The following TG variants were observed in gnomAD, a reference collection of about 807,000 sequenced individuals.
TG encodes the protein thyroid hormones.
TG carries 270 observed loss-of-function variants against 324.7 expected under a neutral mutation model. The ratio of observed to expected loss-of-function variants is 0.83; its 90% CI spans 0.75 to 0.92. TG has a LOEUF of 0.92. Among genes scored for constraint, TG ranks in the 40% least tolerant of loss-of-function variants. TG has a pLI of 0.00. For synonymous variants in TG, 1,401 were observed against 1,327.0 expected (o/e 1.06, Z -1.21); for missense variants, 3,591 against 3,456.4 (o/e 1.04, Z -0.98).
chr8:132,949,066 A>C (rs1459954746), intron 27 of TG, 123 bp downstream of exon 27: 4 of 931,638 alleles, frequency 4.3e-6, no homozygotes, highest in South Asian at 2.9e-5. Context: ...AAAAAAAAAA[A>C]AAACTTTACC....
In TG at chr8:132,941,368, A is replaced by C; in HGVS notation, c.5059A>C (p.Thr1687Pro). ...YLKKGQGSTT[T>P]LQKRFEPTGF... ...TCCCCCAGGCCAAGGATCCACCACA[A>C]CACTTCAGAAACGCTTTGAACCCAC... is the stretch of plus-strand genomic sequence containing the variant. Residue 1687 changes from threonine to proline, a missense_variant, in exon 26 of 48, where the codon ACA (threonine) becomes CCA (proline). Transcript: ENST00000220616. The C allele has an allele frequency of 1.9e-6, 3 of 1,614,172 alleles. No individual in the cohort carries two copies. Among genetic ancestry groups the C allele is most frequent in the Non-Finnish European group, 2.5e-6 (3 of 1,180,034 alleles).
chr8:132,927,147 G>A (rs1266061807), intron 22 of TG, among the ~76,000 whole-genome samples: 3 of 152,028 alleles, frequency 2.0e-5, no homozygotes, highest in Non-Finnish European at 4.4e-5. Flanking sequence ...GTGTGTGCAC[G>A]TTGTGTGTGC....
intron 43 of TG, among the ~76,000 whole-genome samples, chr8:133,110,143 C>T (rs1850142025): frequency 6.6e-6 from 1 of 152,206 alleles, no homozygotes; most frequent in African/African-American, 2.4e-5. Flanking sequence ...TTTAGTGCCA[C>T]TGCACCGTTG....
intron 43 of TG, among the ~76,000 whole-genome samples, chr8:133,103,413 T>TA (rs1849507257): frequency 6.6e-6 from 1 of 152,290 alleles, no homozygotes; most frequent in Non-Finnish European, 1.5e-5. Flanking sequence ...AGCTGACGCT[T>TA]ACACGTCACG....
Position 132,871,502 on chromosome 8 carries a change from A to G in TG, c.429A>G (p.Ala143=). ...VQQVQCWCVD[A]EGMEVYGTRQ... The stretch of plus-strand genomic sequence containing the variant: ...AGGTCCAGTGCTGGTGTGTGGACGC[A>G]GAGGGGATGGAGGTGTATGGGACCC... Residue 143 remains alanine (A), a synonymous_variant, in exon 4 of 48, where the codon GCA becomes GCG. Coordinates refer to ENST00000220616, the MANE Select transcript of TG (RefSeq NM_003235.5). The G allele has an allele frequency of 6.2e-7, 1 of 1,614,178 alleles. No homozygotes were observed. The highest frequency in any genetic ancestry group is 8.5e-7 in the Non-Finnish European group (1 of 1,180,034).
In TG at chr8:132,936,721, C is replaced by T. The variant is rs73710705; in HGVS notation, c.5041+857C>T. Among the ~76,000 whole-genome samples, 1,314 of 152,312 alleles carry T rather than the reference C, an allele frequency of 8.6e-3. 20 individuals carry two copies. Among genetic ancestry groups the T allele is most frequent in the African/African-American group, 0.03 (1,243 of 41,566 alleles). On this transcript the variant is annotated intron_variant, in intron 25 of 47. Coordinates refer to ENST00000220616, the MANE Select transcript of TG (RefSeq NM_003235.5). ...GAGGTCTGCGCTCGCTCTTCTGCCC[C>T]ACCCTGCTCACCCCCTGCCTCCTCT...
intron 41 of TG, chr8:133,075,174 A>C: frequency 2.1e-6 from 2 of 953,522 alleles, no homozygotes; most frequent in Non-Finnish European, 2.5e-6. Context: ...AAAGCATTTG[A>C]GAATATGGCC....
chr8:132,949,401 A>G (rs1037666237), intron 27 of TG, among the ~76,000 whole-genome samples: 18 of 152,150 alleles, frequency 1.2e-4, no homozygotes, highest in African/African-American at 3.9e-4. Flanking sequence ...GCCTCATCCT[A>G]TTGGATAAAG....
At chr8:132,974,015 C>T (rs1215891909) in intron 34 of TG, among the ~76,000 whole-genome samples, 52 of 99,646 alleles carry the variant, frequency 5.2e-4, no homozygotes, top group African/African-American at 2.0e-3. Flanking sequence ...TTTTTTGAGG[C>T]GGAGTTTTGC....
rs576178969 is a variant in TG, at chr8:133,035,170, C to G, written c.7239+5147C>G. Among the ~76,000 whole-genome samples, 22 of 152,282 alleles carry G rather than the reference C, an allele frequency of 1.4e-4. No homozygotes were observed. The South Asian group carries it at 4.2e-3, about 29-fold the overall frequency. On this transcript the variant is annotated intron_variant, in intron 41 of 47. Transcript: ENST00000220616. ...TCTTTGTTTCCTGATCAATTTATTTCAAGCAATAATTTACCCTCTATCAGC... is the reference window on the plus strand; with the variant it reads ...TCTTTGTTTCCTGATCAATTTATTTGAAGCAATAATTTACCCTCTATCAGC...
chr8:132,923,546 G>A lies in TG; in HGVS notation c.4699+38G>A, dbSNP rs373533845. 3.7e-6 allele frequency: 6 copies of A among 1,602,774 alleles called. No homozygotes were observed. In the East Asian group the frequency reaches 1.1e-4, roughly 30 times the overall value. On this transcript the variant is annotated intron_variant, in intron 22 of 47. Transcript: ENST00000220616. ...GGTGAAATCAGTCATGGTTCCTGGG[G>A]ACTGGGGAGTAGTCTCAAGGGCTTT...
At chr8:132,951,230 G>A (rs180998113) in intron 27 of TG, among the ~76,000 whole-genome samples, 135 of 152,276 alleles carry the variant, frequency 8.9e-4, no homozygotes, top group African/African-American at 3.0e-3. Context: ...CCACCATTGA[G>A]CTATGCTTTA....
At chr8:132,998,620 C>T (rs974330525) in intron 35 of TG, among the ~76,000 whole-genome samples, 1 of 152,128 alleles carries the variant, frequency 6.6e-6, no homozygotes, top group African/African-American at 2.4e-5. Flanking sequence ...GGATGGATAC[C>T]ATGGAGTGGG....
intron 21 of TG, 52 bp from the exon 22 acceptor site, chr8:132,923,286 A>C: frequency 6.2e-7 from 1 of 1,601,224 alleles, no homozygotes. Flanking sequence ...AGTAGGAGTC[A>C]GGGGATTCCA....
At chr8:132,935,571 A>G (rs1039827390) in intron 24 of TG, among the ~76,000 whole-genome samples, 185 bp from the exon 25 acceptor site, 2 of 152,156 alleles carry the variant, frequency 1.3e-5, no homozygotes, top group African/African-American at 4.8e-5. Flanking sequence ...AATTATATGT[A>G]TCTTTGCAGC....
At chr8:133,044,229 C>T (rs893500301) in intron 41 of TG, among the ~76,000 whole-genome samples, 3 of 152,098 alleles carry the variant, frequency 2.0e-5, no homozygotes, top group African/African-American at 7.2e-5. Flanking sequence ...GGTAAAGTTC[C>T]GATTCCTGAG....
intron 41 of TG, among the ~76,000 whole-genome samples, chr8:133,079,860 TG>T (rs745621100): frequency 6.6e-6 from 1 of 152,024 alleles, no homozygotes; most frequent in Non-Finnish European, 1.5e-5. Flanking sequence ...AAACTGTTGA[TG>T]GGATTCCCAT....
At chr8:132,966,904 C>G (rs1477561957) in intron 30 of TG, among the ~76,000 whole-genome samples, 3 of 152,194 alleles carry the variant, frequency 2.0e-5, no homozygotes, top group African/African-American at 2.4e-5. Context: ...GCTTCCATAA[C>G]CTATCTTCAT....
At chr8:132,956,763 G>T (rs1826939636) in intron 27 of TG, among the ~76,000 whole-genome samples, 1 of 152,106 alleles carries the variant, frequency 6.6e-6, no homozygotes, top group South Asian at 2.1e-4. Flanking sequence ...GAGTACCTGG[G>T]GGCTATGTGG....
Sources: allele counts gnomAD v4.1 joint callset (sites outside exome capture counted in the v4.1 genomes callset), GRCh38; gene constraint gnomAD v4.1.1; transcripts MANE v1.5; gene names NCBI Gene and HGNC (gene_info 2026-07-23, HGNC 2026-07-21).